LRRK1: variants seen among roughly 807,000 people sequenced by gnomAD.
LRRK1 encodes leucine-rich repeat serine/threonine-protein kinase 1.
A neutral mutation model predicts 209.1 loss-of-function variants in LRRK1; 113 were observed. That is an observed-to-expected ratio of 0.54 (90% CI 0.46 to 0.63). The LOEUF is 0.63. LRRK1 is among the 30% of genes least tolerant of loss of function. The pLI is 0.00. For synonymous variants in LRRK1, 1,144 were observed against 1,099.7 expected (o/e 1.04, Z -0.80); for missense variants, 2,284 against 2,632.2 (o/e 0.87, Z 2.89).
At chr15:100,958,825 C>T (rs544642454) in intron 2 of LRRK1, among the ~76,000 whole-genome samples, 53 of 152,126 alleles carry the variant, frequency 3.5e-4, no homozygotes, top group African/African-American at 1.1e-3. Flanking sequence ...GGAAGCAGCG[C>T]GGGGTCAGCA....
At chr15:101,001,734 T>C (rs2032701710) in intron 6 of LRRK1, among the ~76,000 whole-genome samples, 2 of 152,180 alleles carry the variant, frequency 1.3e-5, no homozygotes, top group Non-Finnish European at 2.9e-5. Context: ...GCTTTTACTG[T>C]GGTGTGCCCT....
rs541122799 is a variant in LRRK1, at chr15:100,970,895, A to C, written c.98-2909A>C. On this transcript the variant is annotated intron_variant, in intron 2 of 33. Transcript: ENST00000388948. ...TGTTTTCAGCGTACAGATCTTGCCC[A>C]TCTTTTGTTACATTTTTTTCTAAGA... Among the ~76,000 whole-genome samples the C allele has an allele frequency of 3.9e-4, 60 of 152,224 alleles. No homozygotes were observed. The Middle Eastern group carries it at 0.01, about 26-fold the overall frequency.
intron 3 of LRRK1, among the ~76,000 whole-genome samples, chr15:100,982,987 A>G (rs149165098): frequency 1.3e-4 from 20 of 152,360 alleles, no homozygotes; most frequent in Non-Finnish European, 2.2e-4. Flanking sequence ...AGCCCTGGCA[A>G]CATAGCAAGA....
intron 2 of LRRK1, among the ~76,000 whole-genome samples, chr15:100,951,849 G>A (rs1462708813): frequency 6.6e-6 from 1 of 151,944 alleles, no homozygotes; most frequent in Non-Finnish European, 1.5e-5. Context: ...CTACTTAGGA[G>A]GCTGAGGCAG....
intron 7 of LRRK1, 137 bp from the exon 8 acceptor site, chr15:101,010,313 C>T: frequency 1.1e-6 from 1 of 888,794 alleles, no homozygotes; most frequent in Non-Finnish European, 1.7e-6. Context: ...ATATGCACTA[C>T]ATTTTCAATG....
chr15:101,032,170 C>T (rs2034311934), intron 20 of LRRK1, among the ~76,000 whole-genome samples: 1 of 152,158 alleles, frequency 6.6e-6, no homozygotes, highest in Non-Finnish European at 1.5e-5. Context: ...AGCTTATTGG[C>T]CGTTGGTATA....
intron 2 of LRRK1, among the ~76,000 whole-genome samples, chr15:100,945,985 C>T (rs550878924): frequency 1.2e-4 from 19 of 152,106 alleles, no homozygotes; most frequent in African/African-American, 4.6e-4. Context: ...AAATACGCTG[C>T]TTTTTTCTCT....
chr15:100,973,698 G>A, intron 2 of LRRK1, 106 bp from the exon 3 acceptor site: 1 of 1,124,424 alleles, frequency 8.9e-7, no homozygotes, highest in Non-Finnish European at 1.1e-6. Context: ...AAGCCCCCGC[G>A]ATCGTGCAAC....
At chr15:101,057,331 C>T (rs1403267404) in intron 28 of LRRK1, among the ~76,000 whole-genome samples, 1 of 152,124 alleles carries the variant, frequency 6.6e-6, no homozygotes, top group East Asian at 1.9e-4. Flanking sequence ...CAATACAGTC[C>T]CTATGCAAGA....
At chr15:100,945,402 G>A (rs1006062624) in intron 2 of LRRK1, among the ~76,000 whole-genome samples, 8 of 150,524 alleles carry the variant, frequency 5.3e-5, no homozygotes, top group Non-Finnish European at 1.2e-4. Context: ...CTTCTCTTAC[G>A]ATGAGTGTGA....
At chr15:101,052,308 C>A (rs1567270205) in intron 24 of LRRK1, among the ~76,000 whole-genome samples, 3 of 152,316 alleles carry the variant, frequency 2.0e-5, no homozygotes, top group South Asian at 4.1e-4. Context: ...AGCTCTAGGG[C>A]CAGCAGATAA....
At position 101,071,719 on chromosome 15, in the gene LRRK1, A is replaced by G. The variant is rs946266379; in HGVS notation, c.*2871A>G. ...CTCTGCTTTTAGGAGCTCACTCCTC[A>G]TAGGTAGAGTTGACAATAAGCACAC... On this transcript the variant is annotated 3_prime_UTR_variant, in exon 34 of 34. Coordinates refer to ENST00000388948, the MANE Select transcript of LRRK1 (RefSeq NM_024652.6). 6 of 152,152 alleles carry G rather than the reference A, an allele frequency of 3.9e-5. No individual in the cohort carries two copies. The highest frequency in any genetic ancestry group is 9.7e-5 in the African/African-American group (4 of 41,408). 9.4% of individuals were successfully genotyped at this position (152,152 alleles called of 1,614,324 possible).
At chr15:100,962,812 T>TATATACACATATATATATATATAC (rs2030114871) in intron 2 of LRRK1, among the ~76,000 whole-genome samples, 2 of 31,664 alleles carry the variant, frequency 6.3e-5, no homozygotes, top group Non-Finnish European at 1.4e-4. Context: ...TATATATATA[T>TATATACACATATATATATATATAC]ATATATATAT....
Position 100,941,422 on chromosome 15 carries a change from G to C in LRRK1, c.97+16693G>C, listed in dbSNP as rs1313118604. Among the ~76,000 whole-genome samples, 79 of 102,386 alleles carry C rather than the reference G, an allele frequency of 7.7e-4. 6 individuals carry two copies. Among genetic ancestry groups the C allele is most frequent in the African/African-American group, 4.3e-3 (78 of 18,280 alleles). 67.2% of individuals were successfully genotyped at this position (102,386 alleles called of 152,430 possible). On this transcript the variant is annotated intron_variant, in intron 2 of 33. Transcript: ENST00000388948. The stretch of plus-strand genomic sequence containing the variant: ...TGTCTGTGTGTGTCTCTGTGTGTGT[G>C]TGTGTCTGTGTGTGTGTGTGTGTCT...
At position 101,031,434 on chromosome 15, in the gene LRRK1, C is replaced by G. The variant is rs552068420; in HGVS notation, c.2963+2202C>G. Among the ~76,000 whole-genome samples the G allele has an allele frequency of 4.3e-4, 65 of 152,300 alleles. 2 individuals carry two copies. The South Asian group carries it at 0.013, about 31-fold the overall frequency. ...GATCCATCCATGCGGTTGTGTGTAT[C>G]AGGAGTTTGTTCTTTCTGTTGCTGA... On this transcript the variant is annotated intron_variant, in intron 20 of 33. Coordinates refer to ENST00000388948, the MANE Select transcript of LRRK1 (RefSeq NM_024652.6).
chr15:101,054,797 G>C, intron 26 of LRRK1, 149 bp from the exon 27 acceptor site: 3 of 687,482 alleles, frequency 4.4e-6, no homozygotes, highest in Non-Finnish European at 7.0e-6. Flanking sequence ...GGGTGATAGA[G>C]GGAGACTCTG....
rs2041986028 is a variant in LRRK1, at chr15:100,919,737, G to C, written c.-123+286G>C. On this transcript the variant is annotated intron_variant, in intron 1 of 33. Coordinates refer to ENST00000388948, the MANE Select transcript of LRRK1 (RefSeq NM_024652.6). The surrounding 1 kb of genome is among the most constrained non-coding windows in gnomAD (Gnocchi z 5.8). The stretch of plus-strand genomic sequence containing the variant: ...TGTGGGAGGGGAGCGCGCGGGGCCC[G>C]AGCAGGGAACCCCGAAACCCCGTCC... Among the ~76,000 whole-genome samples the C allele has an allele frequency of 6.6e-6, 1 of 151,842 alleles. No homozygotes were observed. The highest frequency in any genetic ancestry group is 1.5e-5 in the Non-Finnish European group (1 of 67,896).
chr15:101,032,045 T>TTTG (rs1240863843), intron 20 of LRRK1, among the ~76,000 whole-genome samples: 1 of 152,150 alleles, frequency 6.6e-6, no homozygotes, highest in Admixed American at 6.5e-5. Flanking sequence ...CTCCCCAATA[T>TTTG]TTGTTGTCTG....
rs372311584 is a variant in LRRK1, at chr15:100,974,555, G to A, written c.261+588G>A. ...TCCAGATGATTAAAAATTCCTTGTAGGCGTCTCCTTCAATGGCTACGTGAC... is the reference window on the plus strand; with the variant it reads ...TCCAGATGATTAAAAATTCCTTGTAAGCGTCTCCTTCAATGGCTACGTGAC... On this transcript the variant is annotated intron_variant, in intron 3 of 33. Transcript: ENST00000388948. 2.0e-5 allele frequency among the ~76,000 whole-genome samples: 3 copies of A among 152,256 alleles called. No individual in the cohort carries two copies. The East Asian group carries it at 5.8e-4, about 29-fold the overall frequency.
Sources: gnomAD v4.1 joint callset for allele counts (sites outside exome capture counted in the v4.1 genomes callset) on GRCh38, gnomAD v4.1.1 for gene constraint, Gnocchi (gnomAD v3.1) non-coding constraint, MANE v1.5 for transcripts, NCBI Gene and HGNC (gene_info 2026-07-23, HGNC 2026-07-21) for gene names.